Variants in MGME1 observed in about 807,000 individuals in gnomAD.
The protein encoded by MGME1 is chromosome 20 open reading frame 72.
MGME1 carries 22 observed loss-of-function variants against 33.0 expected under a neutral mutation model. The ratio of observed to expected loss-of-function variants is 0.67; its 90% CI spans 0.48 to 0.95. The LOEUF is 0.95. Ranked by LOEUF, MGME1 falls within the 40% of genes least tolerant of loss-of-function variation. MGME1 has a pLI of 0.00. For synonymous variants in MGME1, 133 were observed against 144.0 expected (o/e 0.92, Z 0.55); for missense variants, 383 against 397.8 (o/e 0.96, Z 0.32).
At chr20:17,977,295 T>C (rs2035893613) in intron 3 of MGME1, among the ~76,000 whole-genome samples, 1 of 151,300 alleles carries the variant, frequency 6.6e-6, no homozygotes, top group Non-Finnish European at 1.5e-5. Context: ...AGAATCACTT[T>C]AACCCGGGAG....
At chr20:17,986,677 A>G (rs2036162186) in intron 3 of MGME1, among the ~76,000 whole-genome samples, 1 of 152,100 alleles carries the variant, frequency 6.6e-6, no homozygotes, top group Non-Finnish European at 1.5e-5. Flanking sequence ...TGGAATTATG[A>G]TAAAGATTGC....
intron 3 of MGME1, among the ~76,000 whole-genome samples, chr20:17,976,520 C>CTTTTCT (rs1435152801): frequency 2.0e-4 from 31 of 152,144 alleles, no homozygotes; most frequent in South Asian, 6.2e-4. Context: ...TTCATTCCTG[C>CTTTTCT]GTTTTCTTTC....
At chr20:17,985,961 C>T (rs1046864610) in intron 3 of MGME1, among the ~76,000 whole-genome samples, 1 of 152,106 alleles carries the variant, frequency 6.6e-6, no homozygotes, top group African/African-American at 2.4e-5. Flanking sequence ...GTGATGCCTC[C>T]GACTTCATTC....
At chr20:17,968,648 TC>T, upstream of MGME1, 1 of 608,866 alleles carries the variant, frequency 1.6e-6, no homozygotes, top group Non-Finnish European at 3.0e-6. Flanking sequence ...AGCCTCCCAG[TC>T]CCCGCTGCCG....
At chr20:17,979,610 G>T (rs2035955070) in intron 3 of MGME1, among the ~76,000 whole-genome samples, 1 of 149,360 alleles carries the variant, frequency 6.7e-6, no homozygotes. Flanking sequence ...TAGAGACAGG[G>T]TTTCACCGTG....
At chr20:17,972,916 G>T (rs2035766241) in intron 2 of MGME1, among the ~76,000 whole-genome samples, 1 of 151,070 alleles carries the variant, frequency 6.6e-6, no homozygotes, top group Admixed American at 6.5e-5. Context: ...TAAATTTCTT[G>T]TAGGTCTTTC....
chr20:17,983,346 G>A (rs1350261959), intron 3 of MGME1, among the ~76,000 whole-genome samples: 1 of 149,060 alleles, frequency 6.7e-6, no homozygotes, highest in Non-Finnish European at 1.5e-5. Flanking sequence ...GGACACTTAG[G>A]TTGTTTCCGC....
chr20:17,972,110 A>G (rs1271825472), intron 2 of MGME1, among the ~76,000 whole-genome samples: 2 of 152,218 alleles, frequency 1.3e-5, no homozygotes, highest in Non-Finnish European at 2.9e-5. Context: ...AATTAGTGTC[A>G]TGGTGAATAA....
chr20:17,988,684 G>A (rs1314527984), intron 4 of MGME1, among the ~76,000 whole-genome samples: 2 of 148,688 alleles, frequency 1.3e-5, no homozygotes, highest in East Asian at 2.0e-4. Context: ...TCAGTGGGGG[G>A]GTAGGAGGAG....
chr20:17,980,923 C>CT (rs11087237), intron 3 of MGME1, among the ~76,000 whole-genome samples: 5 of 151,440 alleles, frequency 3.3e-5, no homozygotes, highest in Non-Finnish European at 5.9e-5. Context: ...TTGCTTAAAA[C>CT]TTTTTTTTTC....
intron 2 of MGME1, among the ~76,000 whole-genome samples, chr20:17,972,514 T>TA (rs780329628): frequency 7.2e-4 from 109 of 151,702 alleles, no homozygotes; most frequent in Middle Eastern, 6.8e-3. Flanking sequence ...ATGAGAATAC[T>TA]GGAGATGCAT....
At chr20:17,985,036 CAAAAAA>C (rs535060718) in intron 3 of MGME1, among the ~76,000 whole-genome samples, 11 of 103,174 alleles carry the variant, frequency 1.1e-4, no homozygotes, top group Non-Finnish European at 1.7e-4. Context: ...GACTTTGTCT[CAAAAAA>C]AAAAAAAAAA....
At chr20:17,977,191 C>A (rs1295087494) in intron 3 of MGME1, among the ~76,000 whole-genome samples, 1 of 151,934 alleles carries the variant, frequency 6.6e-6, no homozygotes, top group Non-Finnish European at 1.5e-5. Context: ...GCCTAGCCAA[C>A]ATGGCAAAAC....
chr20:17,986,155 G>A (rs2036149279), intron 3 of MGME1, among the ~76,000 whole-genome samples: 1 of 151,778 alleles, frequency 6.6e-6, no homozygotes, highest in Admixed American at 6.6e-5. Flanking sequence ...TGCAACTTCT[G>A]CCTCCCAGGT....
chr20:17,985,467 C>G (rs2036132047), intron 3 of MGME1, among the ~76,000 whole-genome samples: 2 of 152,084 alleles, frequency 1.3e-5, no homozygotes, highest in African/African-American at 4.8e-5. Flanking sequence ...TTACAGTAAG[C>G]TAAAGTTAAT....
At chr20:17,982,985 A>G (rs1018983964) in intron 3 of MGME1, among the ~76,000 whole-genome samples, 1 of 152,130 alleles carries the variant, frequency 6.6e-6, no homozygotes, top group African/African-American at 2.4e-5. Flanking sequence ...ATGCTGTGCA[A>G]CAGATCACTA....
chr20:17,975,847 T>C lies in MGME1; in HGVS notation c.675T>C (p.Ala225=). 1.2e-6 allele frequency: 2 copies of C among 1,614,204 alleles called. No homozygotes were observed. Among genetic ancestry groups the C allele is most frequent in the Non-Finnish European group, 1.7e-6 (2 of 1,180,034 alleles). The change falls in exon 3 of 5, where the codon GCT becomes GCC. Residue 225 remains alanine (A), a synonymous_variant. Transcript: ENST00000377710. ...GTGGAGTGCGAGCTCTTGAAAGTGC[T>C]GTTCAACATGAAACCTTAAACTATA... ...DVSGVRALES[A]VQHETLNYIG... is the part of the protein sequence containing the mutation.
intron 3 of MGME1, among the ~76,000 whole-genome samples, chr20:17,987,437 T>C (rs1370310820): frequency 6.6e-6 from 1 of 152,128 alleles, no homozygotes; most frequent in African/African-American, 2.4e-5. Flanking sequence ...GAATGTAAAA[T>C]ATCCCTATAA....
chr20:17,978,169 T>A (rs1375375646), intron 3 of MGME1, among the ~76,000 whole-genome samples: 1 of 152,194 alleles, frequency 6.6e-6, no homozygotes, highest in East Asian at 1.9e-4. Flanking sequence ...CCCTTGATAG[T>A]CTGAAAACTG....
Sources: allele counts gnomAD v4.1 joint callset (sites outside exome capture counted in the v4.1 genomes callset), GRCh38; gene constraint gnomAD v4.1.1; transcripts MANE v1.5; gene names NCBI Gene and HGNC (gene_info 2026-07-23, HGNC 2026-07-21).